ZMYM2: variants seen among roughly 807,000 people sequenced by gnomAD.
ZMYM2 encodes the protein zinc finger MYM-type containing 2.
ZMYM2 carries 56 observed loss-of-function variants against 162.8 expected under a neutral mutation model. The observed-to-expected ratio is 0.34, with a 90% confidence interval of 0.28 to 0.43. The LOEUF (loss-of-function observed/expected upper bound fraction) is 0.43, where lower values mean the gene tolerates loss of function less well. Ranked by LOEUF, ZMYM2 falls within the 20% of genes least tolerant of loss-of-function variation. ZMYM2 has a pLI of 1.00. For synonymous variants in ZMYM2, 510 were observed against 541.6 expected (o/e 0.94, Z 0.81); for missense variants, 1,275 against 1,621.8 (o/e 0.79, Z 3.67).
At chr13:20,001,314 C>T (rs947432683) in intron 3 of ZMYM2, among the ~76,000 whole-genome samples, 2 of 151,568 alleles carry the variant, frequency 1.3e-5, no homozygotes, top group African/African-American at 2.4e-5. Context: ...ATTGCTTGAT[C>T]CCAGGAGGTA....
intron 17 of ZMYM2, among the ~76,000 whole-genome samples, chr13:20,062,489 T>C (rs771936377): frequency 6.6e-6 from 1 of 152,210 alleles, no homozygotes; most frequent in Non-Finnish European, 1.5e-5. Context: ...TCAAAGAGTA[T>C]TGAAAACTAC....
At chr13:19,864,235 G>A in the ZMYM2 span, 2 of 154,964 alleles carry the variant, frequency 1.3e-5, no homozygotes, top group Admixed American at 6.5e-5. Context: ...AGTGCGCTGC[G>A]GTCAGTGGAG....
intron 7 of ZMYM2, among the ~76,000 whole-genome samples, chr13:20,023,942 T>TTC (rs1952344209): frequency 6.8e-6 from 1 of 147,310 alleles, no homozygotes; most frequent in African/African-American, 2.5e-5. Flanking sequence ...TTCTTCTTCT[T>TTC]TTTTTTTTTT....
the ZMYM2 span, among the ~76,000 whole-genome samples, chr13:19,937,322 T>C: frequency 6.6e-6 from 1 of 152,000 alleles, no homozygotes; most frequent in Admixed American, 6.6e-5. Flanking sequence ...TTTTTTTTAG[T>C]AGAGAAGGGG....
the ZMYM2 span, among the ~76,000 whole-genome samples, chr13:19,885,638 G>T: frequency 2.6e-5 from 4 of 151,884 alleles, no homozygotes; most frequent in Non-Finnish European, 4.4e-5. Context: ...TCAGGAGTTC[G>T]AAAGAGTCCT....
chr13:19,876,576 A>G, the ZMYM2 span, among the ~76,000 whole-genome samples: 29 of 142,516 alleles, frequency 2.0e-4, no homozygotes, highest in African/African-American at 6.3e-4. Context: ...GCCTGCCCTG[A>G]CCTCCCAAAG....
At chr13:19,915,952 C>T in the ZMYM2 span, among the ~76,000 whole-genome samples, 318 of 151,908 alleles carry the variant, frequency 2.1e-3, no homozygotes, top group Non-Finnish European at 3.4e-3. Flanking sequence ...CTCCGCCTCC[C>T]GGGTTCACGC....
chr13:19,875,298 T>G, the ZMYM2 span, among the ~76,000 whole-genome samples: 1 of 151,636 alleles, frequency 6.6e-6, no homozygotes, highest in Non-Finnish European at 1.5e-5. Flanking sequence ...AAAAATCTGG[T>G]ACATATGTAC....
At chr13:20,021,495 A>T (rs151041043) in intron 7 of ZMYM2, among the ~76,000 whole-genome samples, 60 of 151,802 alleles carry the variant, frequency 4.0e-4, no homozygotes, top group African/African-American at 1.5e-3. Context: ...TTGTTCTGGC[A>T]TCCTGTCAAA....
At chr13:19,936,508 G>A in the ZMYM2 span, among the ~76,000 whole-genome samples, 1 of 152,016 alleles carries the variant, frequency 6.6e-6, no homozygotes, top group Non-Finnish European at 1.5e-5. Context: ...GATTACTTGA[G>A]GTCAGGAGTT....
At chr13:19,942,550 A>G in the ZMYM2 span, among the ~76,000 whole-genome samples, 1 of 151,696 alleles carries the variant, frequency 6.6e-6, no homozygotes, top group Non-Finnish European at 1.5e-5. Flanking sequence ...AAAAAAAAAA[A>G]AAAAAGAAAA....
intron 24 of ZMYM2, among the ~76,000 whole-genome samples, chr13:20,084,624 C>G (rs1265529203): frequency 6.6e-6 from 1 of 152,122 alleles, no homozygotes; most frequent in Non-Finnish European, 1.5e-5. Flanking sequence ...AGAAAACAGT[C>G]AAGCAGGTAT....
At chr13:19,891,083 C>T in the ZMYM2 span, among the ~76,000 whole-genome samples, 6 of 151,932 alleles carry the variant, frequency 3.9e-5, no homozygotes, top group Admixed American at 1.3e-4. Context: ...TACGTTGAAG[C>T]CCTGACACCC....
At chr13:20,014,390 G>C (rs904823580) in intron 6 of ZMYM2, among the ~76,000 whole-genome samples, 1 of 152,120 alleles carries the variant, frequency 6.6e-6, no homozygotes, top group Admixed American at 6.6e-5. Context: ...TTTGATGACT[G>C]AGTCTATTGT....
At chr13:19,973,685 A>G (rs539702260) in intron 2 of ZMYM2, among the ~76,000 whole-genome samples, 24 of 151,014 alleles carry the variant, frequency 1.6e-4, no homozygotes, top group Admixed American at 5.3e-4. Flanking sequence ...AAAAAAAAAA[A>G]AAAACACCAA....
chr13:19,948,127 C>T, the ZMYM2 span, among the ~76,000 whole-genome samples: 2 of 151,946 alleles, frequency 1.3e-5, no homozygotes, highest in East Asian at 3.9e-4. Flanking sequence ...AGATGTGGAA[C>T]GACAGGAACT....
chr13:19,957,580 C>G (rs560054935), upstream of ZMYM2, among the ~76,000 whole-genome samples: 1 of 152,250 alleles, frequency 6.6e-6, no homozygotes, highest in African/African-American at 2.4e-5. Context: ...CGTCGTCTGT[C>G]CCTGACTCCG....
At chr13:19,943,262 A>G in the ZMYM2 span, among the ~76,000 whole-genome samples, 2 of 152,116 alleles carry the variant, frequency 1.3e-5, no homozygotes, top group Non-Finnish European at 2.9e-5. Flanking sequence ...GAGATCAGTC[A>G]TATTGGATTA....
chr13:19,880,307 GTCTTTCCATTCGTGTTTTATT>G, the ZMYM2 span, among the ~76,000 whole-genome samples: 1 of 152,202 alleles, frequency 6.6e-6, no homozygotes, highest in Non-Finnish European at 1.5e-5. Flanking sequence ...AACACGGAAT[GTCTTTCCATTCGTGTTTTATT>G]TCTTTCAGCA....
Sources: allele counts gnomAD v4.1 joint callset (sites outside exome capture counted in the v4.1 genomes callset), GRCh38; gene constraint gnomAD v4.1.1; transcripts MANE v1.5; gene names NCBI Gene and HGNC (gene_info 2026-07-23, HGNC 2026-07-21).